Variants in PAMR1 observed in about 807,000 individuals in gnomAD.
PAMR1 encodes the protein peptidase domain containing associated with muscle regeneration 1, also known as inactive serine protease PAMR1.
Under a neutral mutation model 81.8 loss-of-function variants are expected in PAMR1, and 88 were observed. The ratio of observed to expected loss-of-function variants is 1.08; its 90% CI spans 0.91 to 1.28. PAMR1 has a LOEUF of 1.28. Among genes scored for constraint, PAMR1 ranks in the 50% most tolerant of loss-of-function variants. The probability of loss-of-function intolerance (pLI) is 0.00; values close to 1 mark genes in which losing one functional copy is unlikely to be tolerated. For missense variants in PAMR1, 935 were observed against 919.7 expected, an observed-to-expected ratio of 1.02 and a Z score of -0.21; for synonymous variants, 336 against 345.3, an observed-to-expected ratio of 0.97 and a Z score of 0.30.
intron 4 of PAMR1, among the ~76,000 whole-genome samples, chr11:35,474,219 G>A (rs1396048539): frequency 6.6e-6 from 1 of 152,186 alleles, no homozygotes; most frequent in Non-Finnish European, 1.5e-5. Flanking sequence ...TTTTCTGAAA[G>A]CCCCAATTAA....
chr11:35,467,565 A>G (rs1460675370), intron 6 of PAMR1, among the ~76,000 whole-genome samples: 3 of 152,234 alleles, frequency 2.0e-5, no homozygotes, highest in Non-Finnish European at 2.9e-5. Flanking sequence ...AGCAAAATGT[A>G]TATCTACCAC....
chr11:35,441,266 G>A (rs561965703), intron 7 of PAMR1, among the ~76,000 whole-genome samples: 1 of 152,012 alleles, frequency 6.6e-6, no homozygotes, highest in South Asian at 2.1e-4. Context: ...ATCACCTCAA[G>A]GTGTTGTGAT....
chr11:35,461,650 C>A (rs1856657862), intron 6 of PAMR1, among the ~76,000 whole-genome samples: 1 of 151,926 alleles, frequency 6.6e-6, no homozygotes, highest in Non-Finnish European at 1.5e-5. Flanking sequence ...CACACACACA[C>A]CTTGGTAACT....
At chr11:35,475,704 T>G (rs1850272813) in intron 3 of PAMR1, among the ~76,000 whole-genome samples, 1 of 152,162 alleles carries the variant, frequency 6.6e-6, no homozygotes, top group South Asian at 2.1e-4. Context: ...TTGGGCCAAA[T>G]ACAGCCCACT....
At chr11:35,514,663 A>G (rs191292169) in intron 1 of PAMR1, among the ~76,000 whole-genome samples, 1 of 152,314 alleles carries the variant, frequency 6.6e-6, no homozygotes, top group African/African-American at 2.4e-5. Flanking sequence ...AGCATTGGTT[A>G]CTGAATAAAA....
At chr11:35,445,319 G>T (rs1406532045) in intron 6 of PAMR1, among the ~76,000 whole-genome samples, 1 of 152,196 alleles carries the variant, frequency 6.6e-6, no homozygotes, top group Non-Finnish European at 1.5e-5. Context: ...CTTCCTGTCT[G>T]AATACACTTT....
chr11:35,459,322 T>G (rs897260915), intron 6 of PAMR1, among the ~76,000 whole-genome samples: 1 of 152,230 alleles, frequency 6.6e-6, no homozygotes, highest in Non-Finnish European at 1.5e-5. Flanking sequence ...ATTGTATTTC[T>G]TCTTCAAAAT....
chr11:35,455,792 T>C (rs945730247), intron 6 of PAMR1, among the ~76,000 whole-genome samples: 41 of 152,106 alleles, frequency 2.7e-4, no homozygotes, highest in African/African-American at 9.2e-4. Context: ...ATGTTTAATA[T>C]AGAAATTTTT....
At chr11:35,501,527 T>C (rs1053563396) in intron 1 of PAMR1, among the ~76,000 whole-genome samples, 2 of 152,088 alleles carry the variant, frequency 1.3e-5, no homozygotes, top group Non-Finnish European at 2.9e-5. Context: ...TTTATGTTTT[T>C]ATACTATATG....
At position 35,492,060 on chromosome 11, in the gene PAMR1, C is replaced by T. The variant is rs899566189; in HGVS notation, c.364G>A (p.Gly122Arg). Residue 122 changes from glycine (G) to arginine (R), a missense_variant, in exon 3 of 11, where the codon GGA (glycine) becomes AGA (arginine). By Grantham distance (125) the Gly-to-Arg change is moderately radical (BLOSUM62 -2). Transcript: ENST00000619888. ...YCAECRAGWYGGDCMRCGQVL... is the reference protein window; with the variant it reads ...YCAECRAGWYRGDCMRCGQVL... ...GTCTACTTACGCATGCAGTCTCCTC[C>T]GTACCAGCCTGCTCGGCACTCTGCA... 1.1e-5 allele frequency: 18 copies of T among 1,613,190 alleles called. No homozygotes were observed. Among genetic ancestry groups the T allele is most frequent in the Non-Finnish European group, 1.4e-5 (17 of 1,179,592 alleles).
intron 6 of PAMR1, among the ~76,000 whole-genome samples, chr11:35,466,282 G>A (rs539970993): frequency 5.3e-5 from 8 of 152,228 alleles, no homozygotes; most frequent in South Asian, 4.1e-4. Flanking sequence ...CAAGAACCAC[G>A]AAGCAGAACA....
intron 4 of PAMR1, among the ~76,000 whole-genome samples, chr11:35,471,341 C>T (rs1850176860): frequency 6.6e-6 from 1 of 152,192 alleles, no homozygotes; most frequent in East Asian, 1.9e-4. Flanking sequence ...AGAGGAACAC[C>T]TGCCTCGTTC....
intron 1 of PAMR1, among the ~76,000 whole-genome samples, chr11:35,503,221 G>A (rs1289083976): frequency 6.6e-6 from 1 of 151,582 alleles, no homozygotes; most frequent in Admixed American, 6.6e-5. Flanking sequence ...GTAAGTACCA[G>A]GCTGGTTTGG....
intron 4 of PAMR1, among the ~76,000 whole-genome samples, chr11:35,471,153 C>T (rs1850169573): frequency 6.6e-6 from 1 of 152,056 alleles, no homozygotes; most frequent in African/African-American, 2.4e-5. Context: ...ATCCTCAGGC[C>T]TAAGCTTAAA....
At chr11:35,525,885 G>C (rs1159647052), upstream of PAMR1, 28 of 478,604 alleles carry the variant, frequency 5.9e-5, no homozygotes. Flanking sequence ...AGGCCAGCCT[G>C]GGTACAGGTG....
At position 35,474,729 on chromosome 11, in the gene PAMR1, A is replaced by G; in HGVS notation, c.395T>C (p.Leu132Pro). The part of the protein sequence containing the change: ...GGDCMRCGQV[L>P]RAPKGQILLE... Reference sequence around the variant, plus strand: ...CAAAATCTGACCCTTTGGGGCTCGCAGAACCTGGCCACATCCTAAGAAAAG... The same window carrying G: ...CAAAATCTGACCCTTTGGGGCTCGCGGAACCTGGCCACATCCTAAGAAAAG... The change falls in exon 4 of 11, where the codon CTG becomes CCG. Residue 132 changes from leucine (L) to proline (P), a missense_variant. Leu to Pro is a moderately conservative substitution (Grantham distance 98, BLOSUM62 -3). Coordinates refer to ENST00000619888, the MANE Select transcript of PAMR1 (RefSeq NM_001001991.3). 1 of 1,609,418 alleles carries G rather than the reference A, an allele frequency of 6.2e-7. No homozygotes were observed. Among genetic ancestry groups the G allele is most frequent in the Non-Finnish European group, 8.5e-7 (1 of 1,177,732 alleles).
chr11:35,516,431 C>T (rs1277199673), intron 1 of PAMR1, among the ~76,000 whole-genome samples: 1 of 152,146 alleles, frequency 6.6e-6, no homozygotes, highest in Non-Finnish European at 1.5e-5. Flanking sequence ...CTGAAAAGAT[C>T]ATAGTTTCCC....
chr11:35,499,090 C>A (rs989387236), intron 1 of PAMR1, among the ~76,000 whole-genome samples: 1 of 152,164 alleles, frequency 6.6e-6, no homozygotes, highest in African/African-American at 2.4e-5. Flanking sequence ...TGAATGAATT[C>A]GGCCTGAACT....
chr11:35,474,757 G>T lies in PAMR1; in HGVS notation c.380-13C>A. 2 of 1,573,392 alleles carry T rather than the reference G, an allele frequency of 1.3e-6. No homozygotes were observed. The highest frequency in any genetic ancestry group is 1.7e-6 in the Non-Finnish European group (2 of 1,147,980). On this transcript the variant is annotated splice_polypyrimidine_tract_variant and intron_variant, in intron 3 of 10. Transcript: ENST00000619888. ...ACCTGGCCACATCCTAAGAAAAGAA[G>T]AAAAGATTGGGACATAAAAATGGAG...
Sources: gnomAD v4.1 joint callset for allele counts (sites outside exome capture counted in the v4.1 genomes callset) on GRCh38, gnomAD v4.1.1 for gene constraint, MANE v1.5 for transcripts, NCBI Gene and HGNC (gene_info 2026-07-23, HGNC 2026-07-21) for gene names.